GPC6: variants seen among roughly 807,000 people sequenced by gnomAD.
GPC6 encodes glypican 6.
GPC6 carries 14 observed loss-of-function variants against 55.2 expected under a neutral mutation model. The observed-to-expected ratio is 0.25, with a 90% CI of 0.17 to 0.40. The LOEUF (loss-of-function observed/expected upper bound fraction) is 0.40. Ranked by LOEUF, GPC6 falls within the 10% of genes least tolerant of loss-of-function variation. The probability of loss-of-function intolerance (pLI) is 1.00; values close to 1 mark genes in which losing one functional copy is unlikely to be tolerated. For missense variants in GPC6, 641 were observed against 708.5 expected (o/e 0.90, Z 1.08); for synonymous variants, 278 against 259.6 (o/e 1.07, Z -0.68).
intron 1 of GPC6, among the ~76,000 whole-genome samples, chr13:93,418,302 A>C (rs981729416): frequency 6.6e-6 from 1 of 151,610 alleles, no homozygotes; most frequent in African/African-American, 2.4e-5. Context: ...ATATACTTTT[A>C]GTTATTTTAA....
At chr13:94,338,315 A>G (rs9524443) in intron 6 of GPC6, among the ~76,000 whole-genome samples, 5,982 of 152,262 alleles carry the variant, frequency 0.039, 188 homozygotes, top group Non-Finnish European at 0.064. Context: ...GCAGCACCCA[A>G]TGCAAATGGG....
chr13:93,585,067 T>C (rs1434483464), intron 2 of GPC6, among the ~76,000 whole-genome samples: 3 of 152,206 alleles, frequency 2.0e-5, no homozygotes. Context: ...TTTATGAAAA[T>C]ATTTTTTAGC....
At chr13:93,359,032 G>A (rs1880954247) in intron 1 of GPC6, among the ~76,000 whole-genome samples, 1 of 145,498 alleles carries the variant, frequency 6.9e-6, no homozygotes, top group South Asian at 2.2e-4. Context: ...GCAGTGGTGT[G>A]ATCACGGCTC....
At chr13:94,118,887 G>A (rs564086353) in intron 4 of GPC6, among the ~76,000 whole-genome samples, 2 of 152,094 alleles carry the variant, frequency 1.3e-5, no homozygotes, top group East Asian at 3.9e-4. Context: ...GAGTGTCTCT[G>A]GGCATAAGCA....
At chr13:94,216,698 G>A (rs1268359951) in intron 4 of GPC6, among the ~76,000 whole-genome samples, 1 of 152,094 alleles carries the variant, frequency 6.6e-6, no homozygotes, top group Non-Finnish European at 1.5e-5. Flanking sequence ...ACACATAGTG[G>A]TCAGAACCCT....
rs78152186 is a variant in GPC6, at chr13:94,086,365, C to A, written c.877+58471C>A. ...AGAGAGCCTGTGGCTAAAATGAGAT[C>A]GGATGAGTGGAATGAAATACTATCT... On this transcript the variant is annotated intron_variant, in intron 4 of 8. Transcript: ENST00000377047. Among the ~76,000 whole-genome samples the A allele has an allele frequency of 6.3e-3, 964 of 152,060 alleles. 6 individuals are homozygous for A. The highest frequency in any genetic ancestry group is 0.022 in the African/African-American group (898 of 41,458).
chr13:93,319,325 A>G (rs1447511563), intron 1 of GPC6, among the ~76,000 whole-genome samples: 1 of 152,194 alleles, frequency 6.6e-6, no homozygotes, highest in Non-Finnish European at 1.5e-5. Context: ...TGCTCTGACA[A>G]GAAATAAATA....
chr13:93,309,187 G>A (rs1317849184), intron 1 of GPC6, among the ~76,000 whole-genome samples: 3 of 152,116 alleles, frequency 2.0e-5, no homozygotes, highest in Non-Finnish European at 4.4e-5. Context: ...CAATGTAAAT[G>A]ATATGCTTTT....
Position 94,208,006 on chromosome 13 carries a change from C to A in GPC6, c.878-78343C>A, listed in dbSNP as rs529112729. On this transcript the variant is annotated intron_variant, in intron 4 of 8. Coordinates refer to ENST00000377047, the MANE Select transcript of GPC6 (RefSeq NM_005708.5). ...CTGAGACCCAAAGTGTTGTAGAGAACGTAAAATTTATGACATGTCTCTCCA... is the reference window on the plus strand; with the variant it reads ...CTGAGACCCAAAGTGTTGTAGAGAAAGTAAAATTTATGACATGTCTCTCCA... Among the ~76,000 whole-genome samples the A allele has an allele frequency of 5.3e-5, 8 of 152,180 alleles. 1 individual carries two copies. The South Asian group carries it at 1.7e-3, about 32-fold the overall frequency.
At chr13:93,631,322 C>T (rs553968648) in intron 2 of GPC6, among the ~76,000 whole-genome samples, 35 of 152,154 alleles carry the variant, frequency 2.3e-4, no homozygotes, top group Non-Finnish European at 4.6e-4. Flanking sequence ...AGTGCACACT[C>T]CTCCCAGTGC....
chr13:93,930,248 G>C (rs77742168), intron 3 of GPC6, among the ~76,000 whole-genome samples: 1 of 141,024 alleles, frequency 7.1e-6, no homozygotes, highest in Non-Finnish European at 1.5e-5. Context: ...GGAGAGGAAG[G>C]TTTTTAAAGG....
At chr13:93,780,193 CTG>C (rs1487306250) in intron 2 of GPC6, among the ~76,000 whole-genome samples, 5 of 152,016 alleles carry the variant, frequency 3.3e-5, no homozygotes, top group African/African-American at 1.2e-4. Context: ...TTTCCGCAAA[CTG>C]TGAAGAAAAC....
chr13:93,577,341 A>G (rs1005308961), intron 2 of GPC6, among the ~76,000 whole-genome samples: 1 of 152,178 alleles, frequency 6.6e-6, no homozygotes, highest in Admixed American at 6.5e-5. Context: ...CAGATAAATT[A>G]TCTCACTTTT....
At chr13:93,900,518 A>T (rs933008163) in intron 3 of GPC6, among the ~76,000 whole-genome samples, 1 of 152,214 alleles carries the variant, frequency 6.6e-6, no homozygotes, top group African/African-American at 2.4e-5. Flanking sequence ...CCATTTTACA[A>T]CTCTTACATA....
chr13:93,800,209 A>T (rs1455864844), intron 2 of GPC6, among the ~76,000 whole-genome samples: 2 of 152,186 alleles, frequency 1.3e-5, no homozygotes, highest in African/African-American at 4.8e-5. Context: ...TTTTTCTGAG[A>T]TTATATATTT....
chr13:93,291,615 A>G (rs1878321864), intron 1 of GPC6, among the ~76,000 whole-genome samples: 1 of 152,174 alleles, frequency 6.6e-6, no homozygotes, highest in African/African-American at 2.4e-5. Context: ...TATACTAGCC[A>G]TCGCCTGAGT....
At chr13:93,874,778 T>A (rs1889238716) in intron 3 of GPC6, among the ~76,000 whole-genome samples, 1 of 151,810 alleles carries the variant, frequency 6.6e-6, no homozygotes, top group Admixed American at 6.6e-5. Flanking sequence ...TCTTCATATC[T>A]CCTAGTACCT....
chr13:94,019,581 G>C (rs1052680818), intron 3 of GPC6, among the ~76,000 whole-genome samples: 4 of 152,056 alleles, frequency 2.6e-5, no homozygotes, highest in African/African-American at 9.7e-5. Context: ...TCCAGTCACT[G>C]CCTCAATCTT....
At chr13:94,398,852 T>C (rs891025627) in intron 8 of GPC6, among the ~76,000 whole-genome samples, 11 of 152,230 alleles carry the variant, frequency 7.2e-5, no homozygotes, top group African/African-American at 2.4e-4. Flanking sequence ...ACACAAGGAA[T>C]AATTGCAATG....
Sources: gnomAD v4.1 joint callset for allele counts (sites outside exome capture counted in the v4.1 genomes callset) on GRCh38, gnomAD v4.1.1 for gene constraint, MANE v1.5 for transcripts, NCBI Gene and HGNC (gene_info 2026-07-23, HGNC 2026-07-21) for gene names.